The following MARCHF3 variants were observed in gnomAD, a reference collection of about 807,000 sequenced individuals.
The protein encoded by MARCHF3 is membrane associated ring-CH-type finger 3, also known as E3 ubiquitin-protein ligase MARCHF3.
Under a neutral mutation model 24.2 loss-of-function variants are expected in MARCHF3, and 13 were observed. The ratio of observed to expected loss-of-function variants is 0.54; its 90% CI spans 0.35 to 0.85. MARCHF3 has a LOEUF of 0.85. Among genes scored for constraint, MARCHF3 ranks in the 40% least tolerant of loss-of-function variants. MARCHF3 has a pLI of 0.01. For missense variants in MARCHF3, 276 were observed against 325.0 expected (o/e 0.85, Z 1.16); for synonymous variants, 144 against 137.3 (o/e 1.05, Z -0.34).
At chr5:126,939,564 TGTAAATG>T (rs1418535198) in intron 1 of MARCHF3, among the ~76,000 whole-genome samples, 1 of 152,234 alleles carries the variant, frequency 6.6e-6, no homozygotes, top group African/African-American at 2.4e-5. Context: ...ACCAGAACTT[TGTAAATG>T]TTTAGTTGTA....
intron 3 of MARCHF3, among the ~76,000 whole-genome samples, chr5:126,906,973 C>G (rs550430457): frequency 6.6e-6 from 1 of 152,090 alleles, no homozygotes; most frequent in African/African-American, 2.4e-5. Flanking sequence ...AAATTTCCCT[C>G]TACACACTGC....
intron 4 of MARCHF3, among the ~76,000 whole-genome samples, chr5:126,872,151 C>T (rs1344605796): frequency 7.1e-6 from 1 of 141,408 alleles, no homozygotes; most frequent in African/African-American, 2.7e-5. Flanking sequence ...GCGATCTCGG[C>T]TCACCGCAAC....
intron 1 of MARCHF3, among the ~76,000 whole-genome samples, chr5:127,008,335 T>C (rs989630369): frequency 6.6e-6 from 1 of 152,194 alleles, no homozygotes; most frequent in Non-Finnish European, 1.5e-5. Flanking sequence ...TCTTTCCTAG[T>C]GGCTCCAGAG....
At chr5:126,896,306 T>C (rs539530104) in intron 3 of MARCHF3, among the ~76,000 whole-genome samples, 22 of 152,266 alleles carry the variant, frequency 1.4e-4, no homozygotes, top group African/African-American at 5.3e-4. Flanking sequence ...ACTGGAGCTG[T>C]TCCTATTCGG....
At chr5:126,925,513 AGT>A (rs1168837138) in intron 1 of MARCHF3, among the ~76,000 whole-genome samples, 1 of 152,202 alleles carries the variant, frequency 6.6e-6, no homozygotes, top group African/African-American at 2.4e-5. Flanking sequence ...TCCCTCAAGA[AGT>A]ACTTATGAAA....
At chr5:126,891,948 A>G (rs1473136266) in intron 3 of MARCHF3, among the ~76,000 whole-genome samples, 1 of 147,816 alleles carries the variant, frequency 6.8e-6, no homozygotes, top group Non-Finnish European at 1.5e-5. Flanking sequence ...ATTTGTTTGT[A>G]TCCTCTTTTA....
rs137930150 is a variant in MARCHF3 at position 126,913,430 on chromosome 5, C to A, written c.393+1500G>T. 2.9e-3 allele frequency among the ~76,000 whole-genome samples: 437 copies of A among 152,326 alleles called. 2 individuals are homozygous for A. Among genetic ancestry groups the A allele is most frequent in the African/African-American group, 8.0e-3 (334 of 41,576 alleles). ...ATTAGGCTTGAGAAATTTTCAACTCCTTTGTTTATTATTTAATTATATTTG... is the reference window on the plus strand; with the variant it reads ...ATTAGGCTTGAGAAATTTTCAACTCATTTGTTTATTATTTAATTATATTTG... On this transcript the variant is annotated intron_variant, in intron 3 of 4. Transcript: ENST00000308660.
At chr5:126,903,657 T>C (rs1754181950) in intron 3 of MARCHF3, among the ~76,000 whole-genome samples, 1 of 152,068 alleles carries the variant, frequency 6.6e-6, no homozygotes, top group African/African-American at 2.4e-5. Flanking sequence ...AAAATCTCTA[T>C]ATAATCTATC....
At chr5:127,022,150 T>C (rs1215856763) in intron 1 of MARCHF3, among the ~76,000 whole-genome samples, 1 of 152,210 alleles carries the variant, frequency 6.6e-6, no homozygotes, top group East Asian at 1.9e-4. Context: ...CTGGCAAGGA[T>C]GGGCAATGTT....
At chr5:126,992,253 T>C (rs1272819135) in intron 1 of MARCHF3, among the ~76,000 whole-genome samples, 1 of 151,778 alleles carries the variant, frequency 6.6e-6, no homozygotes, top group Admixed American at 6.5e-5. Flanking sequence ...TATTTATTAG[T>C]CTTTATCATT....
intron 1 of MARCHF3, among the ~76,000 whole-genome samples, chr5:126,929,855 T>C (rs1340563516): frequency 6.6e-6 from 1 of 152,216 alleles, no homozygotes; most frequent in Non-Finnish European, 1.5e-5. Context: ...TCACAAGATC[T>C]GATGGTTTTA....
chr5:126,889,145 T>C (rs765784902), intron 3 of MARCHF3, among the ~76,000 whole-genome samples: 4 of 152,120 alleles, frequency 2.6e-5, no homozygotes, highest in Admixed American at 6.6e-5. Context: ...GCCCCCAGAC[T>C]GGAAGGTTAC....
rs928337877 is a variant in MARCHF3 at position 126,910,506 on chromosome 5, C to T, written c.393+4424G>A. 7.9e-5 allele frequency among the ~76,000 whole-genome samples: 12 copies of T among 152,316 alleles called. No homozygotes were observed. The East Asian group carries it at 1.3e-3, about 17-fold the overall frequency. On this transcript the variant is annotated intron_variant, in intron 3 of 4. Transcript: ENST00000308660. The stretch of plus-strand genomic sequence containing the variant: ...AGTCAGGGACCCTGAACGGAGGGAC[C>T]GGCTGAAGCCATGGCAGAAGAACTT...
intron 1 of MARCHF3, among the ~76,000 whole-genome samples, chr5:126,949,527 G>T (rs116588390): frequency 2.0e-5 from 3 of 152,042 alleles, no homozygotes; most frequent in Non-Finnish European, 4.4e-5. Context: ...TAGAACCCTC[G>T]CTGTAAAAGG....
chr5:126,965,212 T>A (rs573607255), intron 1 of MARCHF3, among the ~76,000 whole-genome samples: 3 of 152,138 alleles, frequency 2.0e-5, no homozygotes, highest in Admixed American at 1.3e-4. Context: ...TGGATAATAA[T>A]GACCCCTACT....
chr5:127,000,887 C>T (rs1218911433), intron 1 of MARCHF3, among the ~76,000 whole-genome samples: 1 of 151,838 alleles, frequency 6.6e-6, no homozygotes, highest in Non-Finnish European at 1.5e-5. Flanking sequence ...AGGATGGTCT[C>T]GATCTCCTGA....
intron 1 of MARCHF3, among the ~76,000 whole-genome samples, chr5:127,015,923 A>C (rs1219692013): frequency 6.6e-6 from 1 of 152,106 alleles, no homozygotes; most frequent in Non-Finnish European, 1.5e-5. Context: ...CTTGTGCAGC[A>C]CGTCTATGCT....
At chr5:126,899,114 A>G (rs1449154402) in intron 3 of MARCHF3, 3 of 985,314 alleles carry the variant, frequency 3.0e-6, no homozygotes, top group Admixed American at 1.2e-4. Context: ...CTTTATCCCA[A>G]ACAATCTCAC....
intron 1 of MARCHF3, among the ~76,000 whole-genome samples, chr5:126,957,684 T>A (rs1750495808): frequency 6.6e-6 from 1 of 152,256 alleles, no homozygotes; most frequent in Non-Finnish European, 1.5e-5. Flanking sequence ...TTGTAAAACA[T>A]CACATTTAAA....
Sources: allele counts gnomAD v4.1 joint callset (sites outside exome capture counted in the v4.1 genomes callset), GRCh38; gene constraint gnomAD v4.1.1; transcripts MANE v1.5; gene names NCBI Gene and HGNC (gene_info 2026-07-23, HGNC 2026-07-21).